The following FOXP2 variants were observed in gnomAD, a reference collection of about 807,000 sequenced individuals.
FOXP2 encodes forkhead box P2, also known as forkhead box protein P2.
A neutral mutation model predicts 115.8 loss-of-function variants in FOXP2; 12 were observed. The observed-to-expected ratio is 0.10, with a 90% CI of 0.07 to 0.17. The LOEUF (loss-of-function observed/expected upper bound fraction) is 0.17, where lower values mean the gene tolerates loss of function less well. Among genes scored for constraint, FOXP2 ranks in the 10% least tolerant of loss-of-function variants. The pLI is 1.00. For missense variants in FOXP2, 629 were observed against 843.5 expected (o/e 0.75, Z 3.15); for synonymous variants, 328 against 297.7 (o/e 1.10, Z -1.05).
At position 114,098,291 on chromosome 7, in the gene FOXP2, C is replaced by T. The variant is rs146309706; in HGVS notation, c.-247+10453C>T. On this transcript the variant is annotated intron_variant, in intron 1 of 19. Coordinates refer to the FOXP2 transcript ENST00000635638. ...AGCTCTGGCTGATGACTTTCAAAAACCATAGATGGAGGCATCACATTTCCT... is the reference window on the plus strand; with the variant it reads ...AGCTCTGGCTGATGACTTTCAAAAATCATAGATGGAGGCATCACATTTCCT... Among the ~76,000 whole-genome samples the T allele has an allele frequency of 6.4e-3, 969 of 152,190 alleles. 9 individuals carry two copies. The highest frequency in any genetic ancestry group is 0.021 in the African/African-American group (868 of 41,512).
intron 3 of FOXP2, among the ~76,000 whole-genome samples, chr7:114,607,104 T>A (rs989784881): frequency 6.6e-6 from 1 of 152,154 alleles, no homozygotes; most frequent in Non-Finnish European, 1.5e-5. Flanking sequence ...CCAGCAGAGC[T>A]ACACTAGATG....
Position 114,301,616 on chromosome 7 carries a change from A to T in FOXP2, c.-11+13507A>T, listed in dbSNP as rs1796881888. Among the ~76,000 whole-genome samples, 4 of 152,080 alleles carry T rather than the reference A, an allele frequency of 2.6e-5. No homozygotes were observed. The South Asian group carries it at 8.3e-4, about 32-fold the overall frequency. ...GTGTGTTTATCTCTCTGAAGTTCAG[A>T]TCTGTGATTTATTGATGGAAAATGA... On this transcript the variant is annotated intron_variant, in intron 2 of 17. Transcript: ENST00000634411.
At chr7:114,200,558 A>C (rs1794033642) in intron 1 of FOXP2, among the ~76,000 whole-genome samples, 1 of 152,208 alleles carries the variant, frequency 6.6e-6, no homozygotes, top group South Asian at 2.1e-4. Flanking sequence ...TATGATTTCT[A>C]TAAAACCTAG....
chr7:114,311,038 T>A (rs1239826422), intron 2 of FOXP2, among the ~76,000 whole-genome samples: 1 of 152,160 alleles, frequency 6.6e-6, no homozygotes, highest in Admixed American at 6.5e-5. Flanking sequence ...TCGACCAATT[T>A]CGGAGATCTT....
At chr7:114,319,498 C>T (rs943550742) in intron 2 of FOXP2, among the ~76,000 whole-genome samples, 1 of 152,146 alleles carries the variant, frequency 6.6e-6, no homozygotes, top group Non-Finnish European at 1.5e-5. Context: ...ACAATCATGG[C>T]GGAAGGCAAG....
intron 1 of FOXP2, among the ~76,000 whole-genome samples, chr7:114,178,264 T>G (rs1328356264): frequency 3.3e-5 from 5 of 151,956 alleles, no homozygotes; most frequent in African/African-American, 4.8e-5. Flanking sequence ...TTACAATTCA[T>G]GTAAATTCTC....
intron 2 of FOXP2, among the ~76,000 whole-genome samples, chr7:114,387,915 G>A (rs1231570792): frequency 6.6e-6 from 1 of 152,100 alleles, no homozygotes; most frequent in African/African-American, 2.4e-5. Flanking sequence ...AATTTAGAAA[G>A]ACCTATTGCA....
At chr7:114,669,962 A>G (rs575393245) in intron 16 of FOXP2, 3 of 152,134 alleles carry the variant, frequency 2.0e-5, no homozygotes, top group African/African-American at 7.2e-5. Flanking sequence ...GTGTCTAGAG[A>G]TCAAAATAAA....
chr7:114,655,009 A>G (rs6960610), intron 10 of FOXP2, among the ~76,000 whole-genome samples: 14,446 of 152,122 alleles, frequency 0.095, 951 homozygotes, highest in East Asian at 0.35. Flanking sequence ...TTTCCTTTGT[A>G]CTGTATTTAA....
At chr7:114,406,090 T>C (rs1287786846) in intron 2 of FOXP2, among the ~76,000 whole-genome samples, 1 of 108,198 alleles carries the variant, frequency 9.2e-6, no homozygotes, top group East Asian at 3.3e-4. Flanking sequence ...GTATGATTTG[T>C]ATATGCAACA....
intron 2 of FOXP2, among the ~76,000 whole-genome samples, chr7:114,485,373 G>A (rs1329259414): frequency 6.6e-6 from 1 of 151,730 alleles, no homozygotes; most frequent in African/African-American, 2.4e-5. Flanking sequence ...AGAACATTCA[G>A]CATAGTTTTA....
upstream of FOXP2, among the ~76,000 whole-genome samples, chr7:114,162,338 T>G (rs1269829363): frequency 6.6e-6 from 1 of 152,150 alleles, no homozygotes; most frequent in Non-Finnish European, 1.5e-5. Context: ...ATGTTAAATA[T>G]GCTAGGATGT....
At chr7:114,260,282 C>T (rs1332074904) in intron 1 of FOXP2, among the ~76,000 whole-genome samples, 1 of 151,340 alleles carries the variant, frequency 6.6e-6, no homozygotes, top group Non-Finnish European at 1.5e-5. Flanking sequence ...CAGGCTATTT[C>T]TACATTCCCT....
intron 1 of FOXP2, among the ~76,000 whole-genome samples, chr7:114,223,116 C>T (rs1380510451): frequency 6.6e-6 from 1 of 152,068 alleles, no homozygotes; most frequent in Non-Finnish European, 1.5e-5. Context: ...TCCCTGGGGC[C>T]TTTCCTTAGG....
intron 3 of FOXP2, among the ~76,000 whole-genome samples, chr7:114,593,195 T>C (rs1369315945): frequency 1.3e-5 from 2 of 151,938 alleles, no homozygotes; most frequent in Non-Finnish European, 2.9e-5. Context: ...ATGTCTCTTT[T>C]TAAAACTTCA....
intron 3 of FOXP2, among the ~76,000 whole-genome samples, chr7:114,543,325 C>A (rs899160792): frequency 6.6e-6 from 1 of 151,760 alleles, no homozygotes; most frequent in Non-Finnish European, 1.5e-5. Flanking sequence ...TATAGTAGAC[C>A]CTCAACATTC....
rs1461247739 is a variant in FOXP2, at chr7:114,693,007, A to G, written c.*3081A>G. On this transcript the variant is annotated 3_prime_UTR_variant, in exon 17 of 17. Transcript: ENST00000350908. ...GACCAAACCTAGGATTTGAAAGAAA[A>G]CTGTCTACCTCTAACACCAGGGAGT... The G allele has an allele frequency of 4.4e-6, 2 of 453,756 alleles. No homozygotes were observed. Among genetic ancestry groups the G allele is most frequent in the Non-Finnish European group, 8.8e-6 (2 of 226,668 alleles). 28.1% of individuals were successfully genotyped at this position (453,756 alleles called of 1,614,324 possible).
intron 2 of FOXP2, among the ~76,000 whole-genome samples, chr7:114,439,204 G>A (rs1311487816): frequency 1.3e-5 from 2 of 152,108 alleles, no homozygotes; most frequent in African/African-American, 2.4e-5. Flanking sequence ...TTTCAAATGA[G>A]TTGGCTGGAT....
At chr7:114,176,048 C>T (rs1288539396) in intron 1 of FOXP2, among the ~76,000 whole-genome samples, 2 of 152,018 alleles carry the variant, frequency 1.3e-5, no homozygotes, top group African/African-American at 4.8e-5. Context: ...TGTATTCTCA[C>T]ATTTTTGTTT....
Sources: gnomAD v4.1 joint callset for allele counts (sites outside exome capture counted in the v4.1 genomes callset) on GRCh38, gnomAD v4.1.1 for gene constraint, MANE v1.5 for transcripts, NCBI Gene and HGNC (gene_info 2026-07-23, HGNC 2026-07-21) for gene names.